DNM1: variants seen among roughly 807,000 people sequenced by gnomAD.
The protein encoded by DNM1 is dynamin-1.
A neutral mutation model predicts 104.6 loss-of-function variants in DNM1; 29 were observed. That is an observed-to-expected ratio of 0.28 (90% CI 0.21 to 0.38). DNM1 has a LOEUF of 0.38. DNM1 is among the 10% of genes least tolerant of loss of function. DNM1 has a pLI of 1.00. For synonymous variants in DNM1, 445 were observed against 475.8 expected, an observed-to-expected ratio of 0.94 and a Z score of 0.84; for missense variants, 640 against 1,189.4, an observed-to-expected ratio of 0.54 and a Z score of 6.79.
In DNM1 at chr9:128,243,848, T is replaced by C. The variant is rs1377192937; in HGVS notation, c.1671+1503T>C. Among the ~76,000 whole-genome samples, 1 of 152,136 alleles carries C rather than the reference T, an allele frequency of 6.6e-6. No individual in the cohort carries two copies. Among genetic ancestry groups the C allele is most frequent in the African/African-American group, 2.4e-5 (1 of 41,426 alleles). Reference sequence around the variant, plus strand: ...CCTTTCTGGAGCTTTTGTGTACATCTGAGTTAAGTCGTGTGCGAAAACAGC... The same window carrying C: ...CCTTTCTGGAGCTTTTGTGTACATCCGAGTTAAGTCGTGTGCGAAAACAGC... On this transcript the variant is annotated intron_variant, in intron 15 of 21. Transcript: ENST00000372923. The surrounding 1 kb of genome is among the most constrained non-coding windows in gnomAD (Gnocchi z 4.0).
At position 128,218,949 on chromosome 9, in the gene DNM1, A is replaced by G. The variant is rs1209904876; in HGVS notation, c.386-100A>G. ...GATTTCCTAGTCCCACCCACCTGCC[A>G]CCCTGCTCCCAAGCAGCTTCTCTAA... is the stretch of plus-strand genomic sequence containing the variant. On this transcript the variant is annotated intron_variant, in intron 3 of 21. Coordinates refer to ENST00000372923, the MANE Select transcript of DNM1 (RefSeq NM_004408.4). This position sits in a 1 kb window ranked among gnomAD's most constrained non-coding sequence, Gnocchi z 4.8. The G allele has an allele frequency of 1.4e-6, 2 of 1,412,620 alleles. No individual in the cohort carries two copies. Among genetic ancestry groups the G allele is most frequent in the African/African-American group, 1.4e-5 (1 of 70,842 alleles). 87.5% of individuals were successfully genotyped at this position (1,412,620 alleles called of 1,614,324 possible). A position where few individuals can be genotyped will look rare whatever the true frequency, so the allele number is the denominator to read the frequency against.
intron 10 of DNM1, chr9:128,233,622 A>G: frequency 5.4e-6 from 1 of 185,624 alleles, no homozygotes; most frequent in South Asian, 1.1e-4. Flanking sequence ...CCACGCCTTT[A>G]GGAAGGCACA....
intron 14 of DNM1, chr9:128,241,148 A>T (rs1836341224): frequency 6.6e-6 from 1 of 152,250 alleles, no homozygotes; most frequent in South Asian, 2.1e-4. Flanking sequence ...AGGCATAAGG[A>T]GGGCTCCAGA....
intron 9 of DNM1, chr9:128,223,229 T>C: frequency 4.0e-6 from 1 of 252,720 alleles, no homozygotes; most frequent in Non-Finnish European, 7.8e-6. Flanking sequence ...AGTATGAGGC[T>C]GTGTCCTTTT....
intron 21 of DNM1, chr9:128,252,731 A>G (rs1829602620): frequency 9.3e-6 from 5 of 536,128 alleles, no homozygotes; most frequent in South Asian, 7.7e-5. Flanking sequence ...CTCCATGAGC[A>G]GCACGGGTGA....
intron 4 of DNM1, 44 bp downstream of exon 4, chr9:128,219,296 C>A: frequency 6.5e-7 from 1 of 1,539,538 alleles, no homozygotes; most frequent in South Asian, 1.1e-5. Context: ...CCCAGGCTTG[C>A]AGGCTGTCTA....
chr9:128,218,893 C>A lies in DNM1; in HGVS notation c.386-156C>A. Reference sequence around the variant, plus strand: ...CCGTGATTCCGCCCACTTCCGGCCACGCCTCCAACAGACTGCCACTTTCGC... The same window carrying A: ...CCGTGATTCCGCCCACTTCCGGCCAAGCCTCCAACAGACTGCCACTTTCGC... On this transcript the variant is annotated intron_variant, in intron 3 of 21. Coordinates refer to ENST00000372923, the MANE Select transcript of DNM1 (RefSeq NM_004408.4). This position sits in a 1 kb window ranked among gnomAD's most constrained non-coding sequence, Gnocchi z 4.8. 7.8e-7 allele frequency: 1 copy of A among 1,286,756 alleles called. No individual in the cohort carries two copies. The highest frequency in any genetic ancestry group is 1.1e-6 in the Non-Finnish European group (1 of 943,058). The allele number at this position is 1,286,756 out of a possible 1,614,324, so 79.7% of individuals were successfully genotyped here.
chr9:128,250,831 C>T lies in DNM1; in HGVS notation c.2425C>T (p.Leu809=). 7.6e-7 allele frequency: 1 copy of T among 1,312,542 alleles called. No homozygotes were observed. Among genetic ancestry groups the T allele is most frequent in the Non-Finnish European group, 9.6e-7 (1 of 1,040,002 alleles). 81.3% of individuals were successfully genotyped at this position (1,312,542 alleles called of 1,614,324 possible). Residue 809 remains leucine, a synonymous_variant, in exon 21 of 22, where the codon CTG becomes TTG. Transcript: ENST00000372923. ...APGPPPAGSA[L]GGAPPVPSRP... ...TGGGCCTCCGCCTGCTGGGTCCGCC[C>T]TGGGGGGGGCGCCCCCCGTGCCCTC...
chr9:128,217,222 C>A (rs1834663439), intron 1 of DNM1, among the ~76,000 whole-genome samples: 1 of 152,184 alleles, frequency 6.6e-6, no homozygotes, highest in African/African-American at 2.4e-5. Flanking sequence ...GGGAGTGTCA[C>A]TGCAGAGTCA....
intron 11 of DNM1, among the ~76,000 whole-genome samples, chr9:128,236,054 T>TCCTCTCTTTGGG (rs1186732203): frequency 6.6e-6 from 1 of 152,126 alleles, no homozygotes. Context: ...ATCCTTGTGG[T>TCCTCTCTTTGGG]CCTCTCTTTG....
rs1836573422 is a variant in DNM1, at chr9:128,243,941, T to TGTGTG, written c.1671+1596_1671+1597insGTGTG. Among the ~76,000 whole-genome samples, 11 of 143,830 alleles carry TGTGTG rather than the reference T, an allele frequency of 7.6e-5. 1 individual carries two copies. The highest frequency in any genetic ancestry group is 2.8e-4 in the African/African-American group (11 of 39,532). 94.4% of individuals were successfully genotyped at this position (143,830 alleles called of 152,430 possible). On this transcript the variant is annotated intron_variant, in intron 15 of 21. Coordinates refer to ENST00000372923, the MANE Select transcript of DNM1 (RefSeq NM_004408.4). This position sits in a 1 kb window ranked among gnomAD's most constrained non-coding sequence, Gnocchi z 4.0. ...GTGGGTGCTGGGAGGCGGGGTGTGT[T>TGTGTG]TGTGTGTGTGTGTGTGTGTGTGTGT...
chr9:128,229,600 C>CAAAAAAAAAAAAAAAAA (rs56072236), intron 10 of DNM1, among the ~76,000 whole-genome samples: 2 of 66,674 alleles, frequency 3.0e-5, no homozygotes, highest in African/African-American at 6.1e-5. Flanking sequence ...AAAACCTTAT[C>CAAAAAAAAAAAAAAAAA]AAAAAAAAAA....
At chr9:128,236,689 A>G (rs1259102707) in intron 11 of DNM1, among the ~76,000 whole-genome samples, 1 of 152,168 alleles carries the variant, frequency 6.6e-6, no homozygotes, top group Non-Finnish European at 1.5e-5. Flanking sequence ...CGTCTCTACA[A>G]AAAATTTAAA....
intron 1 of DNM1, among the ~76,000 whole-genome samples, chr9:128,207,140 A>G (rs1369154671): frequency 6.6e-6 from 1 of 151,884 alleles, no homozygotes; most frequent in Non-Finnish European, 1.5e-5. Flanking sequence ...CAGAGTCGGG[A>G]AGAGTAAGGA....
At chr9:128,232,191 C>T (rs1045189332) in intron 10 of DNM1, 2 of 389,984 alleles carry the variant, frequency 5.1e-6, no homozygotes, top group African/African-American at 2.1e-5. Flanking sequence ...TCTCCCTGCT[C>T]CTCCAAACTC....
chr9:128,249,826 AG>A (rs1276076674), intron 19 of DNM1, among the ~76,000 whole-genome samples: 1 of 151,306 alleles, frequency 6.6e-6, no homozygotes. Flanking sequence ...CCCTATCTCC[AG>A]GAAGAAGAAA....
rs1835846554 is a variant in DNM1, at chr9:128,233,901, T to G, written c.1336-120T>G. On this transcript the variant is annotated intron_variant, in intron 10 of 21. Transcript: ENST00000372923. ...GACCCTAGGTCTCTCTTCCCCGCGTTGTGGGCATTCTGTGTGTGCCTCCCA... is the reference window on the plus strand; with the variant it reads ...GACCCTAGGTCTCTCTTCCCCGCGTGGTGGGCATTCTGTGTGTGCCTCCCA... 8 of 871,352 alleles carry G rather than the reference T, an allele frequency of 9.2e-6. No homozygotes were observed. The South Asian group carries it at 1.2e-4, about 13-fold the overall frequency. 54.0% of individuals were successfully genotyped at this position (871,352 alleles called of 1,614,324 possible).
chr9:128,251,804 G>A (rs556508125), intron 21 of DNM1: 39 of 153,054 alleles, frequency 2.5e-4, no homozygotes, highest in African/African-American at 8.9e-4. Flanking sequence ...TCTCTTTCAA[G>A]GAAGTTCACT....
At position 128,220,914 on chromosome 9, in the gene DNM1, T is replaced by TTTCTTTCTTTC. The variant is rs1355591679; in HGVS notation, c.849+576_849+586dup. Among the ~76,000 whole-genome samples the TTTCTTTCTTTC allele has an allele frequency of 1.1e-4, 17 of 148,786 alleles. No homozygotes were observed. The highest frequency in any genetic ancestry group is 3.4e-4 in the Admixed American group (5 of 14,830). ...CTTTCTTTCTTTCTTTCTTTCTTTC[T>TTTCTTTCTTTC]TTCTTTCTTTCTTTCTTTCTTTTCT... On this transcript the variant is annotated intron_variant, in intron 6 of 21. Transcript: ENST00000372923. The surrounding 1 kb of genome is among the most constrained non-coding windows in gnomAD (Gnocchi z 5.2).
Sources: allele counts gnomAD v4.1 joint callset (sites outside exome capture counted in the v4.1 genomes callset), GRCh38; gene constraint gnomAD v4.1.1; non-coding constraint Gnocchi (gnomAD v3.1); transcripts MANE v1.5; gene names NCBI Gene and HGNC (gene_info 2026-07-23, HGNC 2026-07-21).